MANBA: variants seen among roughly 807,000 people sequenced by gnomAD.
The protein encoded by MANBA is mannosidase beta.
Under a neutral mutation model 111.1 loss-of-function variants are expected in MANBA, and 83 were observed. The ratio of observed to expected loss-of-function variants is 0.75; its 90% CI spans 0.63 to 0.90. The LOEUF is 0.90. MANBA is among the 40% of genes least tolerant of loss of function. The pLI is 0.00. For synonymous variants in MANBA, 370 were observed against 378.7 expected, an observed-to-expected ratio of 0.98 and a Z score of 0.27; for missense variants, 1,036 against 1,069.0, an observed-to-expected ratio of 0.97 and a Z score of 0.43.
At chr4:102,760,089 TACACAC>T (rs35109830) in intron 1 of MANBA, among the ~76,000 whole-genome samples, 10 of 149,832 alleles carry the variant, frequency 6.7e-5, no homozygotes, top group African/African-American at 2.4e-4. Flanking sequence ...TCCATTGGGA[TACACAC>T]ACACACACAC....
At chr4:102,642,569 T>C (rs1156812728) in intron 13 of MANBA, among the ~76,000 whole-genome samples, 1 of 151,882 alleles carries the variant, frequency 6.6e-6, no homozygotes, top group Non-Finnish European at 1.5e-5. Context: ...ATCAAGCCAC[T>C]GCACTCCAGC....
At chr4:102,723,647 T>G (rs1044160302) in intron 3 of MANBA, among the ~76,000 whole-genome samples, 1 of 152,230 alleles carries the variant, frequency 6.6e-6, no homozygotes, top group African/African-American at 2.4e-5. Flanking sequence ...TTTTATACAA[T>G]TAGCTTACTA....
intron 1 of MANBA, chr4:102,752,420 T>C: frequency 1.1e-6 from 1 of 930,852 alleles, no homozygotes; most frequent in East Asian, 2.4e-5. Flanking sequence ...TGCGTGACAT[T>C]AGTAAAATGG....
intron 7 of MANBA, among the ~76,000 whole-genome samples, chr4:102,687,858 A>T (rs1732288397): frequency 6.6e-6 from 1 of 152,146 alleles, no homozygotes; most frequent in Non-Finnish European, 1.5e-5. Context: ...GTGTGCCCTA[A>T]GTATTTACTG....
At chr4:102,657,658 T>C (rs775346850) in intron 12 of MANBA, 24 bp downstream of exon 12, 2 of 1,545,120 alleles carry the variant, frequency 1.3e-6, no homozygotes, top group Admixed American at 1.7e-5. Flanking sequence ...TTCTGAAACA[T>C]TAGAAAATCA....
At position 102,689,690 on chromosome 4, in the gene MANBA, A is replaced by C; in HGVS notation, c.850-6T>G. The stretch of plus-strand genomic sequence containing the variant: ...CAAGTTTCTACAGTAATATTCTTTT[A>C]AGAAAATTTAAAAGTCACTCTAATA... On this transcript the variant is annotated splice_region_variant and splice_polypyrimidine_tract_variant and intron_variant, in intron 6 of 16. Transcript: ENST00000647097. 1 of 1,520,060 alleles carries C rather than the reference A, an allele frequency of 6.6e-7. No individual in the cohort carries two copies. Among genetic ancestry groups the C allele is most frequent in the Non-Finnish European group, 9.1e-7 (1 of 1,094,992 alleles). 94.2% of individuals were successfully genotyped at this position (1,520,060 alleles called of 1,614,324 possible).
chr4:102,653,455 A>T (rs935964255), intron 12 of MANBA, among the ~76,000 whole-genome samples: 3 of 152,252 alleles, frequency 2.0e-5, no homozygotes, highest in Admixed American at 6.5e-5. Context: ...ATTATATTTT[A>T]TGAAAAATCA....
intron 5 of MANBA, among the ~76,000 whole-genome samples, chr4:102,707,777 C>T (rs1440725468): frequency 6.6e-6 from 1 of 151,946 alleles, no homozygotes; most frequent in Non-Finnish European, 1.5e-5. Context: ...TCAACTCACC[C>T]CTAAAGACAT....
intron 14 of MANBA, 67 bp downstream of exon 14, chr4:102,639,646 C>T: frequency 3.1e-6 from 5 of 1,600,552 alleles, no homozygotes; most frequent in Non-Finnish European, 3.4e-6. Context: ...CAGCACTGTG[C>T]TTTCTCAGTC....
intron 1 of MANBA, among the ~76,000 whole-genome samples, chr4:102,758,478 G>A (rs1481382748): frequency 6.6e-6 from 1 of 152,014 alleles, no homozygotes; most frequent in Non-Finnish European, 1.5e-5. Context: ...TAATAAAGCA[G>A]GTCGGACAAC....
chr4:102,744,636 A>C (rs561232369), intron 1 of MANBA, among the ~76,000 whole-genome samples: 11 of 152,342 alleles, frequency 7.2e-5, no homozygotes, highest in African/African-American at 2.4e-4. Flanking sequence ...CAATGAAACC[A>C]CATGTGGTAC....
At chr4:102,716,812 G>A (rs930199208) in intron 4 of MANBA, among the ~76,000 whole-genome samples, 12 of 152,184 alleles carry the variant, frequency 7.9e-5, no homozygotes, top group African/African-American at 2.9e-4. Flanking sequence ...AGTCATTTGT[G>A]AAATAGAACC....
At chr4:102,756,499 G>A (rs555177371) in intron 1 of MANBA, among the ~76,000 whole-genome samples, 3 of 152,062 alleles carry the variant, frequency 2.0e-5, no homozygotes, top group African/African-American at 7.2e-5. Flanking sequence ...GGGAGGGATA[G>A]CATTAGGAGA....
At chr4:102,684,203 G>T (rs1055896809) in intron 7 of MANBA, among the ~76,000 whole-genome samples, 3 of 152,038 alleles carry the variant, frequency 2.0e-5, no homozygotes, top group Admixed American at 6.6e-5. Context: ...GGATTTCAAT[G>T]AGGTATATTT....
intron 3 of MANBA, 69 bp downstream of exon 3, chr4:102,723,793 T>C: frequency 2.4e-6 from 2 of 847,778 alleles, no homozygotes; most frequent in Non-Finnish European, 3.9e-6. Flanking sequence ...TTTACTTTTC[T>C]CTACTCACAA....
intron 11 of MANBA, among the ~76,000 whole-genome samples, chr4:102,664,418 G>A (rs567433088): frequency 1.2e-3 from 184 of 151,008 alleles, no homozygotes; most frequent in African/African-American, 3.7e-3. Context: ...GCGCGATCTC[G>A]GCTCACTGCA....
intron 5 of MANBA, among the ~76,000 whole-genome samples, chr4:102,699,533 T>G (rs1732909696): frequency 6.6e-6 from 1 of 150,620 alleles, no homozygotes; most frequent in Non-Finnish European, 1.5e-5. Flanking sequence ...ATACGTCCCA[T>G]CAATACCTAA....
At chr4:102,671,196 G>A (rs1731479732) in intron 9 of MANBA, 85 bp downstream of exon 9, 1 of 892,578 alleles carries the variant, frequency 1.1e-6, no homozygotes. Context: ...CTCTGAGACT[G>A]GGGCAATTGC....
chr4:102,752,153 G>A, intron 1 of MANBA: 1 of 777,458 alleles, frequency 1.3e-6, no homozygotes, highest in Non-Finnish European at 2.4e-6. Context: ...TCACAAGGAA[G>A]CAATTTCCTC....
Sources: gnomAD v4.1 joint callset for allele counts (sites outside exome capture counted in the v4.1 genomes callset) on GRCh38, gnomAD v4.1.1 for gene constraint, MANE v1.5 for transcripts, NCBI Gene and HGNC (gene_info 2026-07-23, HGNC 2026-07-21) for gene names.